The following UGT2B7 variants were observed in gnomAD, a reference collection of about 807,000 sequenced individuals.
UGT2B7 encodes UDP-glucuronosyltransferase 2B7.
Under a neutral mutation model 51.9 loss-of-function variants are expected in UGT2B7, and 51 were observed. That is an observed-to-expected ratio of 0.98 (90% CI 0.78 to 1.24). UGT2B7 has a LOEUF of 1.24. UGT2B7 is among the 50% of genes most tolerant of loss of function. UGT2B7 has a pLI of 0.00. For missense variants in UGT2B7, 727 were observed against 628.4 expected, an observed-to-expected ratio of 1.16 and a Z score of -1.68; for synonymous variants, 225 against 211.6, an observed-to-expected ratio of 1.06 and a Z score of -0.55.
At position 69,112,884 on chromosome 4, in the gene UGT2B7, A is replaced by AT; in HGVS notation, c.*149dup. The stretch of plus-strand genomic sequence containing the variant: ...ATCTTTTCAAAATTTACTTTGTCAA[A>AT]TAAAAATTTGTTTTTCAGAGATTTA... On this transcript the variant is annotated 3_prime_UTR_variant, in exon 6 of 6. Coordinates refer to ENST00000305231, the MANE Select transcript of UGT2B7 (RefSeq NM_001074.4). The AT allele has an allele frequency of 7.7e-7, 1 of 1,300,896 alleles. No homozygotes were observed. The allele number at this position is 1,300,896 out of a possible 1,614,324, so 80.6% of individuals were successfully genotyped here. A position where few individuals can be genotyped will look rare whatever the true frequency, so the allele number is the denominator to read the frequency against.
rs370517827 is a variant in UGT2B7, at chr4:69,096,832, A to G, written c.312A>G (p.Thr104=). 2 of 1,613,610 alleles carry G rather than the reference A, an allele frequency of 1.2e-6. No individual in the cohort carries two copies. The highest frequency in any genetic ancestry group is 1.3e-5 in the African/African-American group (1 of 74,884). ...GATGGTCAGACCTTCCAAAAGATACATTTTGGTTATATTTTTCACAAGTAC... is the reference window on the plus strand; with the variant it reads ...GATGGTCAGACCTTCCAAAAGATACGTTTTGGTTATATTTTTCACAAGTAC... ...IKRWSDLPKD[T]FWLYFSQVQE... The change falls in exon 1 of 6, where the codon ACA becomes ACG. Residue 104 remains threonine (T), a synonymous_variant. Transcript: ENST00000305231.
intron 5 of UGT2B7, among the ~76,000 whole-genome samples, chr4:69,110,747 G>A (rs1719748493): frequency 6.6e-6 from 1 of 152,102 alleles, no homozygotes; most frequent in Non-Finnish European, 1.5e-5. Context: ...TTCAGAAAAA[G>A]AGAGTTATTC....
At chr4:69,092,625 A>T (rs1280299381), upstream of UGT2B7, among the ~76,000 whole-genome samples, 3 of 152,118 alleles carry the variant, frequency 2.0e-5, no homozygotes, top group Non-Finnish European at 4.4e-5. Context: ...AATATGAAAA[A>T]TATAAGTTTT....
intron 2 of UGT2B7, 124 bp downstream of exon 2, chr4:69,098,812 C>G: frequency 6.7e-7 from 1 of 1,490,544 alleles, no homozygotes; most frequent in Non-Finnish European, 9.0e-7. Flanking sequence ...TGGGGTAAAG[C>G]AGATACCAAT....
In UGT2B7 at chr4:69,102,871, T is replaced by C. The variant is rs1719466425; in HGVS notation, c.935T>C (p.Met312Thr). ...GTTGTGGTGTTTTCTCTGGGGTCAA[T>C]GGTCAGTAACATGACAGAAGAAAGG... ...NGVVVFSLGS[M>T]VSNMTEERAN... Residue 312 changes from methionine to threonine, a missense_variant, in exon 3 of 6, where the codon ATG (methionine) becomes ACG (threonine). Transcript: ENST00000305231. 6.2e-7 allele frequency: 1 copy of C among 1,613,594 alleles called. No individual in the cohort carries two copies. Among genetic ancestry groups the C allele is most frequent in the Non-Finnish European group, 8.5e-7 (1 of 1,179,754 alleles).
chr4:69,070,483 A>G (rs1718577967), intron 1 of UGT2B7, among the ~76,000 whole-genome samples: 3 of 151,194 alleles, frequency 2.0e-5, no homozygotes, highest in African/African-American at 7.2e-5. Context: ...TAAAAATTGC[A>G]AGACAAATTT....
intron 1 of UGT2B7, among the ~76,000 whole-genome samples, chr4:69,064,068 GAAAGAAAGAAAGAAAGAA>G (rs1560499647): frequency 8.7e-5 from 9 of 103,668 alleles, no homozygotes; most frequent in African/African-American, 4.1e-4. Flanking sequence ...AAGAAAGAAA[GAAAGAAAGAAAGAAAGAA>G]AGAAAGAAAG....
intron 1 of UGT2B7, among the ~76,000 whole-genome samples, chr4:69,080,959 A>C (rs1190047551): frequency 6.6e-6 from 1 of 152,190 alleles, no homozygotes; most frequent in African/African-American, 2.4e-5. Context: ...CATAAAAAAA[A>C]CACAGAAGCA....
intron 1 of UGT2B7, among the ~76,000 whole-genome samples, chr4:69,057,576 A>G (rs1035912818): frequency 6.6e-6 from 1 of 152,230 alleles, no homozygotes; most frequent in Non-Finnish European, 1.5e-5. Flanking sequence ...GGATATTTGC[A>G]CATCCATATT....
chr4:69,056,738 G>C (rs1045945591), intron 1 of UGT2B7, among the ~76,000 whole-genome samples: 4 of 152,150 alleles, frequency 2.6e-5, no homozygotes, highest in Non-Finnish European at 4.4e-5. Context: ...GTTCACCAAA[G>C]TGCTTCAGCA....
chr4:69,105,617 G>A (rs7435335), intron 3 of UGT2B7, among the ~76,000 whole-genome samples: 27,964 of 152,038 alleles, frequency 0.18, 2,937 homozygotes, highest in Admixed American at 0.28. Context: ...TTCAACAGCT[G>A]TGTTTTTATT....
chr4:69,055,098 TAAAAAAAAAAA>T (rs1178892377), intron 1 of UGT2B7, among the ~76,000 whole-genome samples: 17 of 22,548 alleles, frequency 7.5e-4, no homozygotes, highest in Admixed American at 3.6e-3. Flanking sequence ...AAGTAATAGC[TAAAAAAAAAAA>T]AAAAAAAAAA....
upstream of UGT2B7, among the ~76,000 whole-genome samples, chr4:69,091,879 G>A (rs1719093296): frequency 1.3e-5 from 2 of 152,214 alleles, no homozygotes; most frequent in South Asian, 2.1e-4. Context: ...GGAGGTCCAT[G>A]TGGCACATGA....
At chr4:69,061,001 G>C (rs1411242563) in intron 1 of UGT2B7, among the ~76,000 whole-genome samples, 2 of 152,116 alleles carry the variant, frequency 1.3e-5, no homozygotes, top group Non-Finnish European at 2.9e-5. Context: ...CGGCCCCTCG[G>C]AGACCTGGAC....
rs970471600 is a variant in UGT2B7, at chr4:69,102,837, G to A, written c.901G>A (p.Glu301Lys). ...GGAAGACTTTGTACAGAGCTCTGGA[G>A]AAAATGGTGTTGTGGTGTTTTCTCT... ...EMEDFVQSSGENGVVVFSLGS... is the reference protein window; with the variant it reads ...EMEDFVQSSGKNGVVVFSLGS... Residue 301 changes from glutamate (E) to lysine (K), a missense_variant, in exon 3 of 6, where the codon GAA becomes AAA. Coordinates refer to ENST00000305231, the MANE Select transcript of UGT2B7 (RefSeq NM_001074.4). 3 of 1,613,332 alleles carry A rather than the reference G, an allele frequency of 1.9e-6. No individual in the cohort carries two copies. In the African/African-American group the frequency reaches 4.0e-5, roughly 22 times the overall value.
At chr4:69,067,750 A>G (rs1170240667) in intron 1 of UGT2B7, 2 of 152,362 alleles carry the variant, frequency 1.3e-5, no homozygotes. Flanking sequence ...CTTAAAGGCC[A>G]TGATCAATAC....
At chr4:69,052,269 T>C (rs1718039762) in intron 1 of UGT2B7, among the ~76,000 whole-genome samples, 1 of 148,910 alleles carries the variant, frequency 6.7e-6, no homozygotes, top group African/African-American at 2.5e-5. Context: ...TTAGACCCCT[T>C]CCCCCCCAAC....
chr4:69,108,103 G>T lies in UGT2B7; in HGVS notation c.1091G>T (p.Gly364Val). 1 of 1,613,164 alleles carries T rather than the reference G, an allele frequency of 6.2e-7. No homozygotes were observed. Among genetic ancestry groups the T allele is most frequent in the Non-Finnish European group, 8.5e-7 (1 of 1,179,512 alleles). The change falls in exon 5 of 6, where the codon GGT becomes GTT. Residue 364 changes from glycine to valine, a missense_variant and splice_region_variant. Gly to Val is a moderately radical substitution (Grantham distance 109, BLOSUM62 -3). Coordinates refer to ENST00000305231, the MANE Select transcript of UGT2B7 (RefSeq NM_001074.4). Reference sequence around the variant, plus strand: ...TTTGCTAAAATTCATCCAATCCTAGGTCATCCAAAGACCAGAGCTTTTATA... The same window carrying T: ...TTTGCTAAAATTCATCCAATCCTAGTTCATCCAAAGACCAGAGCTTTTATA... ...YKWIPQNDLL[G>V]HPKTRAFITH...
At chr4:69,071,669 T>C (rs1260619294) in intron 1 of UGT2B7, among the ~76,000 whole-genome samples, 1 of 152,190 alleles carries the variant, frequency 6.6e-6, no homozygotes, top group Admixed American at 6.6e-5. Context: ...ATTGTAGCAA[T>C]AATTGATAAT....
Sources: gnomAD v4.1 joint callset for allele counts (sites outside exome capture counted in the v4.1 genomes callset) on GRCh38, gnomAD v4.1.1 for gene constraint, MANE v1.5 for transcripts, NCBI Gene and HGNC (gene_info 2026-07-23, HGNC 2026-07-21) for gene names.